The following MACF1 variants were observed in gnomAD, a reference collection of about 807,000 sequenced individuals.
MACF1 encodes the protein microtubule-actin cross-linking factor 1.
A neutral mutation model predicts 854.8 loss-of-function variants in MACF1; 193 were observed. The ratio of observed to expected loss-of-function variants is 0.23; its 90% CI spans 0.20 to 0.25. MACF1 has a LOEUF of 0.25. Among genes scored for constraint, MACF1 ranks in the 10% least tolerant of loss-of-function variants. The pLI, the probability that MACF1 is intolerant of heterozygous loss-of-function variation, is 1.00. For missense variants in MACF1, 7,722 were observed against 8,929.1 expected (o/e 0.86, Z 5.45); for synonymous variants, 3,185 against 3,226.7 (o/e 0.99, Z 0.44).
chr1:39,102,436 G>A (rs943218786), intron 2 of MACF1, among the ~76,000 whole-genome samples: 3 of 85,124 alleles, frequency 3.5e-5, no homozygotes, highest in Admixed American at 1.5e-4. Flanking sequence ...ATTGGAGGCG[G>A]GGGGGGGGTC....
chr1:39,406,995 A>G (rs555840103), intron 58 of MACF1, among the ~76,000 whole-genome samples: 4 of 152,374 alleles, frequency 2.6e-5, no homozygotes, highest in Admixed American at 6.5e-5. Flanking sequence ...ACTGTTAAGT[A>G]TCAGATCTGT....
At chr1:39,262,604 A>G (rs549585884) in intron 6 of MACF1, among the ~76,000 whole-genome samples, 76 of 152,262 alleles carry the variant, frequency 5.0e-4, no homozygotes, top group African/African-American at 1.8e-3. Context: ...GTTACTAGTA[A>G]CAACTTATTA....
chr1:39,455,145 T>C (rs1174950359), intron 89 of MACF1, 48 bp downstream of exon 89: 5 of 1,563,170 alleles, frequency 3.2e-6, no homozygotes, highest in Non-Finnish European at 4.4e-6. Context: ...GTGTTGGGCA[T>C]GGAGACCATC....
intron 2 of MACF1, among the ~76,000 whole-genome samples, chr1:39,147,515 CCTTTCTTTTCCTT>C (rs552482124): frequency 0.014 from 2,025 of 140,874 alleles, 21 homozygotes; most frequent in Middle Eastern, 0.056. Context: ...TTCTTTTCCT[CCTTTCTTTTCCTT>C]CTTTCTTCTT....
intron 6 of MACF1, among the ~76,000 whole-genome samples, chr1:39,261,957 A>G (rs1222551251): frequency 6.6e-6 from 1 of 152,142 alleles, no homozygotes; most frequent in Non-Finnish European, 1.5e-5. Flanking sequence ...CATCCTCACC[A>G]GTATTTATTG....
chr1:39,485,323 G>C (rs1001057964), intron 100 of MACF1: 1 of 572,406 alleles, frequency 1.7e-6, no homozygotes, highest in Non-Finnish European at 3.0e-6. Context: ...GCTGCTGATA[G>C]AGTGGCTTTC....
At chr1:39,469,121 T>G (rs971827671) in intron 96 of MACF1, among the ~76,000 whole-genome samples, 4 of 152,168 alleles carry the variant, frequency 2.6e-5, no homozygotes, top group African/African-American at 9.7e-5. Context: ...GGGAGAGTGT[T>G]AGGCCCTTCT....
chr1:39,453,100 C>A (rs1644368812), intron 87 of MACF1, among the ~76,000 whole-genome samples: 1 of 152,178 alleles, frequency 6.6e-6, no homozygotes, highest in Non-Finnish European at 1.5e-5. Context: ...ATCTTCTTTA[C>A]TCCTCACCTG....
chr1:39,393,196 A>AAAAATATAT (rs57576149), intron 58 of MACF1, among the ~76,000 whole-genome samples: 13 of 66,566 alleles, frequency 2.0e-4, no homozygotes, highest in African/African-American at 1.1e-3. Context: ...AAAAAAAAAA[A>AAAAATATAT]ATATATATAT....
intron 56 of MACF1, among the ~76,000 whole-genome samples, chr1:39,384,941 G>A (rs938538075): frequency 1.3e-5 from 2 of 152,246 alleles, no homozygotes; most frequent in Non-Finnish European, 1.5e-5. Flanking sequence ...TTCAAAGTAA[G>A]TTTTTATTAA....
intron 58 of MACF1, chr1:39,410,852 A>G: frequency 1.2e-6 from 2 of 1,614,076 alleles, no homozygotes; most frequent in Non-Finnish European, 1.7e-6. Context: ...ACTCTGGAAC[A>G]TGTGTCCAAA....
At chr1:39,156,469 A>G (rs867125255) in intron 2 of MACF1, among the ~76,000 whole-genome samples, 1 of 152,160 alleles carries the variant, frequency 6.6e-6, no homozygotes, top group Non-Finnish European at 1.5e-5. Flanking sequence ...AAATACAAAA[A>G]TTAGCGAGGC....
chr1:39,092,946 C>A (rs2148122560), intron 2 of MACF1, among the ~76,000 whole-genome samples: 1 of 152,168 alleles, frequency 6.6e-6, no homozygotes, highest in African/African-American at 2.4e-5. Context: ...CCATGCCCAG[C>A]TAATTTTTTT....
In MACF1 at chr1:39,155,892, T is replaced by C. The variant is rs539294444; in HGVS notation, c.220+71454T>C. Reference sequence around the variant, plus strand: ...CCACCACCGTGCTCGGCTAATTGTTTTGTTTTTTTTTTTGAGATGGAGTCT... The same window carrying C: ...CCACCACCGTGCTCGGCTAATTGTTCTGTTTTTTTTTTTGAGATGGAGTCT... On this transcript the variant is annotated intron_variant, in intron 2 of 93. Coordinates refer to the MACF1 transcript ENST00000361689. 4.6e-5 allele frequency among the ~76,000 whole-genome samples: 7 copies of C among 151,728 alleles called. No homozygotes were observed. The East Asian group carries it at 9.7e-4, about 21-fold the overall frequency.
intron 2 of MACF1, among the ~76,000 whole-genome samples, chr1:39,194,762 G>T (rs1644300759): frequency 7.1e-6 from 1 of 140,072 alleles, no homozygotes; most frequent in African/African-American, 2.6e-5. Flanking sequence ...TGTGATCATA[G>T]CTCACTGTGG....
chr1:39,431,020 A>G (rs374733085), intron 66 of MACF1, 112 bp downstream of exon 66: 29 of 948,924 alleles, frequency 3.1e-5, no homozygotes, highest in East Asian at 1.0e-4. Context: ...CTCAAGCTAA[A>G]TCTGGTGGAA....
rs558803130 is a variant in MACF1, at chr1:39,483,774, C to A, written c.22282-827C>A. Among the ~76,000 whole-genome samples, 4 of 152,234 alleles carry A rather than the reference C, an allele frequency of 2.6e-5. No individual in the cohort carries two copies. The East Asian group carries it at 7.7e-4, about 29-fold the overall frequency. ...TGTGCTTCTCATAGTTTATTTGATC[C>A]ACAAGTTAAGTAATTTTATCTGCAT... On this transcript the variant is annotated intron_variant, in intron 99 of 100. Transcript: ENST00000564288.
rs369474413 is a variant in MACF1, at chr1:39,190,395, G to T, written c.221-40787G>T. ...TGTGTGTGTGTGTGTGTGTGTGTTT[G>T]TTTTTGTTTTTTTTTTTTTTTTTTG... is the stretch of plus-strand genomic sequence containing the variant. On this transcript the variant is annotated intron_variant, in intron 2 of 93. Coordinates refer to the MACF1 transcript ENST00000361689. 2.9e-3 allele frequency among the ~76,000 whole-genome samples: 228 copies of T among 78,906 alleles called. 1 individual carries two copies. Among genetic ancestry groups the T allele is most frequent in the South Asian group, 6.8e-3 (13 of 1,904 alleles). The allele number at this position is 78,906 out of a possible 152,430, so 51.8% of individuals were successfully genotyped here. A position where few individuals can be genotyped will look rare whatever the true frequency, so the allele number is the denominator to read the frequency against.
chr1:39,101,138 C>T (rs1642064366), intron 2 of MACF1, among the ~76,000 whole-genome samples: 1 of 151,114 alleles, frequency 6.6e-6, no homozygotes, highest in African/African-American at 2.4e-5. Context: ...GGATGGATTA[C>T]CTGAGGTCAG....
Sources: gnomAD v4.1 joint callset for allele counts (sites outside exome capture counted in the v4.1 genomes callset) on GRCh38, gnomAD v4.1.1 for gene constraint, MANE v1.5 for transcripts, NCBI Gene and HGNC (gene_info 2026-07-23, HGNC 2026-07-21) for gene names.